Variants in PANX1 observed in about 807,000 individuals in gnomAD.
PANX1 encodes the protein pannexin-1.
Under a neutral mutation model 38.7 loss-of-function variants are expected in PANX1, and 30 were observed. That is an observed-to-expected ratio of 0.78 (90% confidence interval 0.58 to 1.05). The LOEUF is 1.05. Ranked by LOEUF, PANX1 falls within the 50% of genes least tolerant of loss-of-function variation. The pLI is 0.00. For missense variants in PANX1, 551 were observed against 517.2 expected (o/e 1.07, Z -0.63); for synonymous variants, 230 against 212.2 (o/e 1.08, Z -0.73).
intron 1 of PANX1, among the ~76,000 whole-genome samples, chr11:94,134,488 A>G (rs1946664344): frequency 6.6e-6 from 1 of 152,204 alleles, no homozygotes; most frequent in Non-Finnish European, 1.5e-5. Flanking sequence ...GTGTCTCCCA[A>G]CCGCAAAATT....
intron 2 of PANX1, among the ~76,000 whole-genome samples, chr11:94,167,508 C>G (rs1947116282): frequency 6.6e-6 from 1 of 152,030 alleles, no homozygotes; most frequent in Admixed American, 6.6e-5. Flanking sequence ...TCAGCACTCA[C>G]TAGGAAATAA....
chr11:94,168,238 T>C (rs1003134747), intron 2 of PANX1, among the ~76,000 whole-genome samples: 2 of 152,114 alleles, frequency 1.3e-5, no homozygotes, highest in Non-Finnish European at 2.9e-5. Context: ...GGAAGCACTT[T>C]CTGGGGGAGG....
At chr11:94,129,980 G>A (rs1946608030) in intron 1 of PANX1, among the ~76,000 whole-genome samples, 1 of 152,218 alleles carries the variant, frequency 6.6e-6, no homozygotes, top group Admixed American at 6.5e-5. Flanking sequence ...TAGCTCTCTA[G>A]GGTTGTGAAT....
Position 94,180,905 on chromosome 11 carries a change from T to C in PANX1, c.*36T>C, listed in dbSNP as rs756357230. 2.6e-5 allele frequency: 31 copies of C among 1,206,872 alleles called. 1 individual carries two copies. The South Asian group carries it at 3.4e-4, about 13-fold the overall frequency. The allele number at this position is 1,206,872 out of a possible 1,614,324, so 74.8% of individuals were successfully genotyped here. On this transcript the variant is annotated 3_prime_UTR_variant, in exon 5 of 5. Coordinates refer to ENST00000227638, the MANE Select transcript of PANX1 (RefSeq NM_015368.4). ...CCTTGAGCTGTAAATCTGTGACTTC[T>C]GCGACATGGGATTTAATTTGGCTAA...
At position 94,179,890 on chromosome 11, in the gene PANX1, C is replaced by A; in HGVS notation, c.834C>A (p.Val278=). 1.2e-6 allele frequency: 2 copies of A among 1,614,024 alleles called. No individual in the cohort carries two copies. The highest frequency in any genetic ancestry group is 1.7e-6 in the Non-Finnish European group (2 of 1,179,972). Residue 278 remains valine (V), a synonymous_variant, in exon 4 of 5, where the codon GTC becomes GTA. Transcript: ENST00000227638. The part of the protein sequence containing the change: ...IAVGIFQLLS[V]INLVVYVLLA... ...TGGGCATCTTCCAGTTGCTCAGTGT[C>A]ATTAACCTTGTGGTTTATGTCCTGC...
intron 2 of PANX1, among the ~76,000 whole-genome samples, chr11:94,156,952 C>CAACT (rs1162538417): frequency 6.6e-6 from 1 of 151,962 alleles, no homozygotes; most frequent in Non-Finnish European, 1.5e-5. Flanking sequence ...GTTCAATTCC[C>CAACT]AACTATGAGC....
chr11:94,129,119 G>A lies in PANX1; in HGVS notation c.-194G>A, dbSNP rs774033995. The A allele has an allele frequency of 2.2e-6, 1 of 454,066 alleles. No individual in the cohort carries two copies. The highest frequency in any genetic ancestry group is 3.9e-6 in the Non-Finnish European group (1 of 259,516). The allele number at this position is 454,066 out of a possible 1,614,324, so 28.1% of individuals were successfully genotyped here. On this transcript the variant is annotated 5_prime_UTR_variant, in exon 1 of 5. Coordinates refer to ENST00000227638, the MANE Select transcript of PANX1 (RefSeq NM_015368.4). ...CCCGCCCCGCCCCGCCGGCGGCGGA[G>A]GCAGCGAGCGCGAGAGCCCAGCGGA...
At position 94,129,629 on chromosome 11, in the gene PANX1, GTTTT is replaced by G. The variant is rs1336394870; in HGVS notation, c.181+137_181+140del. On this transcript the variant is annotated intron_variant, in intron 1 of 4. Transcript: ENST00000227638. The stretch of plus-strand genomic sequence containing the variant: ...AGCGTCAGGAAGGGCAGTGGCCCCA[GTTTT>G]ATGGTCCAAAGCGTTCTTTGCCCAG... The G allele has an allele frequency of 1.1e-5, 8 of 743,658 alleles. No individual in the cohort carries two copies. The African/African-American group carries it at 1.4e-4, about 13-fold the overall frequency. The allele number at this position is 743,658 out of a possible 1,614,324, so 46.1% of individuals were successfully genotyped here. A position where few individuals can be genotyped will look rare whatever the true frequency, so the allele number is the denominator to read the frequency against.
At chr11:94,167,657 T>C (rs1310724609) in intron 2 of PANX1, among the ~76,000 whole-genome samples, 1 of 152,232 alleles carries the variant, frequency 6.6e-6, no homozygotes, top group Non-Finnish European at 1.5e-5. Flanking sequence ...ATGGAGATTT[T>C]TTACGTAGAA....
Position 94,180,064 on chromosome 11 carries a change from G to A in PANX1, c.1008G>A (p.Glu336=). 6.2e-7 allele frequency: 1 copy of A among 1,612,816 alleles called. No homozygotes were observed. Among genetic ancestry groups the A allele is most frequent in the Non-Finnish European group, 8.5e-7 (1 of 1,179,150 alleles). Residue 336 remains glutamate (E), a synonymous_variant, in exon 4 of 5, where the codon GAG becomes GAA. Coordinates refer to ENST00000227638, the MANE Select transcript of PANX1 (RefSeq NM_015368.4). ...NDLSLYNLFL[E]ENISEVKSYK... ...TGAGCCTCTACAATCTCTTCTTGGA[G>A]GAAAATATAAGTGAGGTCAAGTCAT...
In PANX1 at chr11:94,142,396, CATAA is replaced by C. The variant is rs780987403; in HGVS notation, c.182-11092_182-11089del. Among the ~76,000 whole-genome samples the C allele has an allele frequency of 4.6e-5, 7 of 152,270 alleles. No individual in the cohort carries two copies. The East Asian group carries it at 1.4e-3, about 29-fold the overall frequency. On this transcript the variant is annotated intron_variant, in intron 1 of 4. Coordinates refer to ENST00000227638, the MANE Select transcript of PANX1 (RefSeq NM_015368.4). ...CTACCAAGCCCTCCTTGCCTTTACT[CATAA>C]ATTTAAGTCTGGACTTCCCAGTCTG... is the stretch of plus-strand genomic sequence containing the variant.
chr11:94,152,881 G>A (rs1303805644), intron 1 of PANX1, among the ~76,000 whole-genome samples: 3 of 152,164 alleles, frequency 2.0e-5, no homozygotes, highest in Admixed American at 2.0e-4. Flanking sequence ...CCGCCCATCT[G>A]CTGTTGGGAG....
In PANX1 at chr11:94,180,991, C is replaced by T. The variant is rs551412546; in HGVS notation, c.*122C>T. The T allele has an allele frequency of 1.8e-5, 12 of 669,612 alleles. No individual in the cohort carries two copies. The African/African-American group carries it at 1.8e-4, about 10-fold the overall frequency. The allele number at this position is 669,612 out of a possible 1,614,324, so 41.5% of individuals were successfully genotyped here. A position where few individuals can be genotyped will look rare whatever the true frequency, so the allele number is the denominator to read the frequency against. On this transcript the variant is annotated 3_prime_UTR_variant, in exon 5 of 5. Coordinates refer to ENST00000227638, the MANE Select transcript of PANX1 (RefSeq NM_015368.4). ...AATGGTTCTTGGTGGAGATACTGAG[C>T]ATGTCTTATTGAGTCCCTAATGGAA...
intron 2 of PANX1, among the ~76,000 whole-genome samples, chr11:94,165,265 TCTTC>T (rs1947089767): frequency 1.3e-5 from 2 of 151,998 alleles, no homozygotes; most frequent in South Asian, 4.1e-4. Flanking sequence ...TTTTTCTCTG[TCTTC>T]CTTTGTGTAT....
At chr11:94,140,797 A>G (rs933672421) in intron 1 of PANX1, among the ~76,000 whole-genome samples, 1 of 152,238 alleles carries the variant, frequency 6.6e-6, no homozygotes, top group African/African-American at 2.4e-5. Context: ...TAAAACTGAC[A>G]GACTTAAAAA....
At position 94,178,473 on chromosome 11, in the gene PANX1, C is replaced by T. The variant is rs1297193912; in HGVS notation, c.426C>T (p.Ile142=). The T allele has an allele frequency of 6.2e-7, 1 of 1,614,100 alleles. No individual in the cohort carries two copies. The highest frequency in any genetic ancestry group is 8.5e-7 in the Non-Finnish European group (1 of 1,179,996). ...APHICSDLKF[I]MEELDKVYNR... ...ATATTTGCTCAGACTTGAAGTTTAT[C>T]ATGGAAGAACTTGACAAAGTTTACA... Residue 142 remains isoleucine, a synonymous_variant, in exon 3 of 5, where the codon ATC becomes ATT. Transcript: ENST00000227638.
At chr11:94,158,942 A>C (rs1460130059) in intron 2 of PANX1, among the ~76,000 whole-genome samples, 1 of 152,208 alleles carries the variant, frequency 6.6e-6, no homozygotes, top group Admixed American at 6.5e-5. Flanking sequence ...TAATTTATTG[A>C]GAGTTTCTAG....
At chr11:94,144,832 G>T (rs1340782697) in intron 1 of PANX1, among the ~76,000 whole-genome samples, 3 of 152,108 alleles carry the variant, frequency 2.0e-5, no homozygotes, top group East Asian at 1.9e-4. Context: ...AGTATTAGCT[G>T]TCTTACTTTA....
chr11:94,152,801 A>G (rs1946898409), intron 1 of PANX1, among the ~76,000 whole-genome samples: 1 of 152,216 alleles, frequency 6.6e-6, no homozygotes, highest in Non-Finnish European at 1.5e-5. Context: ...CAAGTCCCAG[A>G]GTCCCTTCCC....
Sources: gnomAD v4.1 joint callset for allele counts (sites outside exome capture counted in the v4.1 genomes callset) on GRCh38, gnomAD v4.1.1 for gene constraint, MANE v1.5 for transcripts, NCBI Gene and HGNC (gene_info 2026-07-23, HGNC 2026-07-21) for gene names.